GPC5: variants seen among roughly 807,000 people sequenced by gnomAD.
The protein encoded by GPC5 is glypican-5.
Under a neutral mutation model 53.9 loss-of-function variants are expected in GPC5, and 47 were observed. That is an observed-to-expected ratio of 0.87 (90% CI 0.69 to 1.11). The LOEUF (loss-of-function observed/expected upper bound fraction) is 1.11. Among genes scored for constraint, GPC5 ranks in the 50% most tolerant of loss-of-function variants. GPC5 has a pLI of 0.00. For missense variants in GPC5, 748 were observed against 713.1 expected, an observed-to-expected ratio of 1.05 and a Z score of -0.56; for synonymous variants, 286 against 263.3, an observed-to-expected ratio of 1.09 and a Z score of -0.84.
intron 6 of GPC5, among the ~76,000 whole-genome samples, chr13:92,097,108 G>A (rs1466070239): frequency 6.6e-6 from 1 of 152,214 alleles, no homozygotes; most frequent in Non-Finnish European, 1.5e-5. Flanking sequence ...TGAGGTCTCA[G>A]AAGGAAATAA....
rs79625983 is a variant in GPC5, at chr13:91,728,888, T to A, written c.1154+223T>A. On this transcript the variant is annotated intron_variant, in intron 4 of 7. Transcript: ENST00000377067. ...GAAAACTTTTTGTGATAATGGAAGA[T>A]TTCCATAATATAACATGGAAGGTCA... 2.2e-3 allele frequency among the ~76,000 whole-genome samples: 338 copies of A among 152,276 alleles called. 7 individuals carry two copies. The East Asian group carries it at 0.057, about 26-fold the overall frequency.
intron 6 of GPC5, among the ~76,000 whole-genome samples, chr13:92,069,777 A>T (rs1318569439): frequency 6.6e-6 from 1 of 152,154 alleles, no homozygotes; most frequent in Admixed American, 6.5e-5. Flanking sequence ...TCTGGATAGA[A>T]TTCCCATTTA....
intron 7 of GPC5, among the ~76,000 whole-genome samples, chr13:92,324,464 C>T (rs950630643): frequency 6.6e-6 from 1 of 151,908 alleles, no homozygotes; most frequent in Non-Finnish European, 1.5e-5. Context: ...AGAATGTTTG[C>T]TGTAGGCCAA....
intron 6 of GPC5, among the ~76,000 whole-genome samples, chr13:92,107,815 T>G (rs967514581): frequency 6.6e-6 from 1 of 152,144 alleles, no homozygotes; most frequent in Non-Finnish European, 1.5e-5. Flanking sequence ...AAGCTCTACC[T>G]CATTACTAGA....
intron 6 of GPC5, among the ~76,000 whole-genome samples, chr13:92,029,548 C>T (rs1385940775): frequency 6.6e-6 from 1 of 152,230 alleles, no homozygotes; most frequent in Non-Finnish European, 1.5e-5. Context: ...GCTCCAGCTC[C>T]TTCTGGGCAA....
intron 7 of GPC5, among the ~76,000 whole-genome samples, chr13:92,674,190 C>G (rs1358552815): frequency 6.6e-6 from 1 of 152,120 alleles, no homozygotes; most frequent in Non-Finnish European, 1.5e-5. Context: ...TAACCTGGAG[C>G]TGCACATTCA....
At chr13:92,160,517 T>C (rs1327616352) in intron 7 of GPC5, among the ~76,000 whole-genome samples, 1 of 152,134 alleles carries the variant, frequency 6.6e-6, no homozygotes, top group African/African-American at 2.4e-5. Context: ...TTAGATAAAG[T>C]AAGCCATTGA....
At chr13:92,757,308 T>TAC (rs1258514524) in intron 7 of GPC5, among the ~76,000 whole-genome samples, 1 of 152,184 alleles carries the variant, frequency 6.6e-6, no homozygotes, top group Non-Finnish European at 1.5e-5. Flanking sequence ...ATCCCTTCCT[T>TAC]ACACCTTATA....
chr13:91,990,040 C>T (rs1400966275), intron 6 of GPC5, among the ~76,000 whole-genome samples: 5 of 152,148 alleles, frequency 3.3e-5, no homozygotes, highest in African/African-American at 2.4e-5. Flanking sequence ...CAGCCATAAA[C>T]AGCATTTCTT....
chr13:91,534,137 T>C (rs1022670518), intron 2 of GPC5, among the ~76,000 whole-genome samples: 2 of 152,146 alleles, frequency 1.3e-5, no homozygotes. Context: ...TATTTCATGA[T>C]TATATATTAT....
chr13:92,288,207 A>G (rs990390805), intron 7 of GPC5, among the ~76,000 whole-genome samples: 1 of 152,098 alleles, frequency 6.6e-6, no homozygotes, highest in Non-Finnish European at 1.5e-5. Context: ...GATCATATTT[A>G]AGGCAATTAA....
intron 7 of GPC5, among the ~76,000 whole-genome samples, chr13:92,663,924 T>G: frequency 7.6e-6 from 1 of 131,986 alleles, no homozygotes; most frequent in African/African-American, 3.0e-5. Context: ...ACACAAAAAT[T>G]AGCTCGGCAT....
intron 7 of GPC5, among the ~76,000 whole-genome samples, chr13:92,651,734 T>A (rs1328904171): frequency 6.6e-6 from 1 of 152,158 alleles, no homozygotes; most frequent in African/African-American, 2.4e-5. Context: ...ATAGGAGAAA[T>A]TTGATGTGGG....
chr13:92,002,165 A>G (rs1481353932), intron 6 of GPC5, among the ~76,000 whole-genome samples: 1 of 152,024 alleles, frequency 6.6e-6, no homozygotes, highest in Non-Finnish European at 1.5e-5. Context: ...GCTCTGAAGG[A>G]CTTACAGATA....
chr13:91,571,733 A>G (rs1229044599), intron 2 of GPC5, among the ~76,000 whole-genome samples: 1 of 135,470 alleles, frequency 7.4e-6, no homozygotes, highest in Non-Finnish European at 1.6e-5. Flanking sequence ...TCAAATATAT[A>G]TATATGTATA....
At chr13:91,912,151 C>T (rs1428701282) in intron 6 of GPC5, among the ~76,000 whole-genome samples, 12 of 152,140 alleles carry the variant, frequency 7.9e-5, no homozygotes, top group Non-Finnish European at 1.6e-4. Context: ...TTGCAAAAAC[C>T]TATGAATGGA....
intron 7 of GPC5, among the ~76,000 whole-genome samples, chr13:92,209,724 G>A (rs897003381): frequency 1.3e-5 from 2 of 152,056 alleles, no homozygotes; most frequent in Admixed American, 6.5e-5. Flanking sequence ...ACAAAATTAT[G>A]TTTGTATTCT....
chr13:92,677,133 TTTG>T (rs1311485142), intron 7 of GPC5, among the ~76,000 whole-genome samples: 1 of 152,188 alleles, frequency 6.6e-6, no homozygotes, highest in East Asian at 1.9e-4. Flanking sequence ...TTATTAAAAT[TTTG>T]TTATTCTGAT....
intron 6 of GPC5, among the ~76,000 whole-genome samples, chr13:91,918,243 C>G (rs932511705): frequency 4.6e-5 from 7 of 152,128 alleles, no homozygotes; most frequent in African/African-American, 9.7e-5. Context: ...GAAACCACCC[C>G]CATGATTCAA....
Sources: allele counts gnomAD v4.1 joint callset (sites outside exome capture counted in the v4.1 genomes callset), GRCh38; gene constraint gnomAD v4.1.1; transcripts MANE v1.5; gene names NCBI Gene and HGNC (gene_info 2026-07-23, HGNC 2026-07-21).